Variants in NUMB observed in about 807,000 individuals in gnomAD.
NUMB encodes NUMB endocytic adaptor protein, also known as protein numb homolog.
Under a neutral mutation model 59.7 loss-of-function variants are expected in NUMB, and 29 were observed. That is an observed-to-expected ratio of 0.49 (90% CI 0.36 to 0.66). NUMB has a LOEUF of 0.66. Ranked by LOEUF, NUMB falls within the 30% of genes least tolerant of loss-of-function variation. The pLI is 0.00. For synonymous variants in NUMB, 288 were observed against 288.2 expected (o/e 1.00, Z 0.01); for missense variants, 723 against 822.0 (o/e 0.88, Z 1.47).
At position 73,307,979 on chromosome 14, in the gene NUMB, C is replaced by T. The variant is rs985156225; in HGVS notation, c.234+8411G>A. 3.9e-5 allele frequency among the ~76,000 whole-genome samples: 6 copies of T among 151,958 alleles called. 1 individual carries two copies. The South Asian group carries it at 6.2e-4, about 16-fold the overall frequency. On this transcript the variant is annotated intron_variant, in intron 6 of 12. Transcript: ENST00000555238. ...CCATCTCCTGACCTCGTGATCCGCC[C>T]GCCTCGTCCTCCCAACGTGCTGGGA...
At chr14:73,385,308 CTTT>C (rs1174960370) in intron 2 of NUMB, among the ~76,000 whole-genome samples, 31 of 112,286 alleles carry the variant, frequency 2.8e-4, no homozygotes, top group African/African-American at 6.8e-4. Flanking sequence ...CCAGTTAATT[CTTT>C]TTTTTTTTTT....
At chr14:73,325,736 T>C (rs1316739218) in intron 4 of NUMB, among the ~76,000 whole-genome samples, 1 of 152,176 alleles carries the variant, frequency 6.6e-6, no homozygotes, top group African/African-American at 2.4e-5. Flanking sequence ...GACCAGGAAA[T>C]GGAACTCCTA....
Position 73,410,043 on chromosome 14 carries a change from C to G in NUMB, c.-207G>C, listed in dbSNP as rs1329108975. On this transcript the variant is annotated 5_prime_UTR_variant, in exon 2 of 13. Transcript: ENST00000555238. ...CAGTGGCTGCACTGGCACTCTTCCC[C>G]GGAAGAAGTTGCTTAAGCCTCAAAT... 1 of 152,176 alleles carries G rather than the reference C, an allele frequency of 6.6e-6. No individual in the cohort carries two copies. Among genetic ancestry groups the G allele is most frequent in the Non-Finnish European group, 1.5e-5 (1 of 68,036 alleles). 9.4% of individuals were successfully genotyped at this position (152,176 alleles called of 1,614,324 possible).
chr14:73,276,967 T>A lies in NUMB; in HGVS notation c.1567A>T (p.Asn523Tyr). Residue 523 changes from asparagine to tyrosine, a missense_variant, in exon 13 of 13, where the codon AAT becomes TAT. Physicochemically the swap from Asn to Tyr is moderately radical, Grantham distance 143. Around this residue, in one of 2 missense-constraint regions of NUMB, gnomAD observed 406 missense variants for 385.4 expected, o/e 1.05. Transcript: ENST00000555238. ...VANGMPYPAP[N>Y]VPVVGITPSQ... ...GGAGTGATGCCCACCACAGGCACATTAGGGGCTGGATAGGGCATTCCATTG... is the reference window on the plus strand; with the variant it reads ...GGAGTGATGCCCACCACAGGCACATAAGGGGCTGGATAGGGCATTCCATTG... 3 of 1,614,110 alleles carry A rather than the reference T, an allele frequency of 1.9e-6. No individual in the cohort carries two copies. Among genetic ancestry groups the A allele is most frequent in the Non-Finnish European group, 2.5e-6 (3 of 1,180,028 alleles).
chr14:73,372,540 A>AATT, intron 2 of NUMB, among the ~76,000 whole-genome samples: 1 of 150,392 alleles, frequency 6.6e-6, no homozygotes, highest in South Asian at 2.1e-4. Flanking sequence ...ATTAAAAACC[A>AATT]CAACTTCCAA....
intron 2 of NUMB, among the ~76,000 whole-genome samples, chr14:73,374,516 T>C (rs1013915681): frequency 6.6e-6 from 1 of 152,162 alleles, no homozygotes; most frequent in Non-Finnish European, 1.5e-5. Context: ...GTTCTTTCTC[T>C]GTCCAGATCC....
chr14:73,446,947 G>C (rs1014887665), intron 1 of NUMB, among the ~76,000 whole-genome samples: 1 of 151,954 alleles, frequency 6.6e-6, no homozygotes, highest in East Asian at 1.9e-4. Flanking sequence ...CCAGCACTTT[G>C]GGAGGCCGAG....
At chr14:73,397,729 C>T (rs1210457754) in intron 2 of NUMB, among the ~76,000 whole-genome samples, 2 of 152,086 alleles carry the variant, frequency 1.3e-5, no homozygotes, top group Non-Finnish European at 2.9e-5. Context: ...TTATTTGCAT[C>T]GGCTATATCT....
chr14:73,441,494 G>A (rs1247820461), intron 1 of NUMB, among the ~76,000 whole-genome samples: 3 of 151,846 alleles, frequency 2.0e-5, no homozygotes, highest in Non-Finnish European at 2.9e-5. Context: ...CCAAGATCAC[G>A]CCACACACTC....
At chr14:73,454,600 C>T (rs1566805600) in intron 1 of NUMB, among the ~76,000 whole-genome samples, 1 of 152,124 alleles carries the variant, frequency 6.6e-6, no homozygotes, top group Non-Finnish European at 1.5e-5. Context: ...TGAACTTCTA[C>T]TTTTTAAAAT....
chr14:73,430,954 AAAG>A (rs1209372353), intron 1 of NUMB, among the ~76,000 whole-genome samples: 1 of 151,938 alleles, frequency 6.6e-6, no homozygotes, highest in Non-Finnish European at 1.5e-5. Flanking sequence ...CAAAAAAAAA[AAAG>A]TTTTTGAATT....
intron 4 of NUMB, among the ~76,000 whole-genome samples, chr14:73,350,827 C>A (rs531186033): frequency 1.2e-4 from 18 of 152,242 alleles, no homozygotes; most frequent in African/African-American, 4.3e-4. Flanking sequence ...CCATGCACAG[C>A]CTAACTTTAC....
intron 6 of NUMB, among the ~76,000 whole-genome samples, chr14:73,303,166 T>C (rs938911412): frequency 3.3e-5 from 5 of 151,776 alleles, no homozygotes; most frequent in Admixed American, 2.0e-4. Context: ...TGCAGTGAGC[T>C]GAGATCGCAC....
chr14:73,373,838 G>C (rs1197943323), intron 2 of NUMB, among the ~76,000 whole-genome samples: 3 of 151,058 alleles, frequency 2.0e-5, no homozygotes, highest in Non-Finnish European at 4.4e-5. Flanking sequence ...CAAGTAGCTA[G>C]AACTACAGAT....
At chr14:73,403,676 C>T (rs1195227548) in intron 2 of NUMB, among the ~76,000 whole-genome samples, 5 of 152,160 alleles carry the variant, frequency 3.3e-5, no homozygotes, top group Non-Finnish European at 7.4e-5. Context: ...AAGAGATTGG[C>T]GGGGCATGGT....
intron 4 of NUMB, among the ~76,000 whole-genome samples, chr14:73,334,633 A>G (rs1488426314): frequency 1.3e-5 from 2 of 152,106 alleles, no homozygotes; most frequent in Non-Finnish European, 2.9e-5. Context: ...TAGAATATTT[A>G]CAGCTAATCT....
Position 73,292,717 on chromosome 14 carries a change from A to T in NUMB, c.450+17T>A, listed in dbSNP as rs767525578. On this transcript the variant is annotated intron_variant, in intron 8 of 12. Transcript: ENST00000555238. Reference sequence around the variant, plus strand: ...ACTGAGAATACTCATCATGAAATACATATTTGCTGGACTCACTGTGTCCTT... The same window carrying T: ...ACTGAGAATACTCATCATGAAATACTTATTTGCTGGACTCACTGTGTCCTT... The T allele has an allele frequency of 1.9e-6, 3 of 1,613,302 alleles. No individual in the cohort carries two copies. Among genetic ancestry groups the T allele is most frequent in the Non-Finnish European group, 2.5e-6 (3 of 1,179,612 alleles).
intron 4 of NUMB, among the ~76,000 whole-genome samples, chr14:73,334,158 T>C (rs552274502): frequency 1.3e-5 from 2 of 152,102 alleles, no homozygotes; most frequent in Admixed American, 1.3e-4. Flanking sequence ...TTCAGGCGAT[T>C]CTCCTGCCTC....
intron 1 of NUMB, among the ~76,000 whole-genome samples, chr14:73,418,771 CG>C (rs1221191634): frequency 4.1e-5 from 6 of 145,616 alleles, no homozygotes; most frequent in African/African-American, 1.5e-4. Context: ...AACTCTGTCT[CG>C]AAAAAAAAAA....
Sources: allele counts gnomAD v4.1 joint callset (sites outside exome capture counted in the v4.1 genomes callset), GRCh38; gene constraint gnomAD v4.1.1; regional missense constraint gnomAD v4.1.1; transcripts MANE v1.5; gene names NCBI Gene and HGNC (gene_info 2026-07-23, HGNC 2026-07-21).